The following OR7E24 variants were observed in gnomAD, a reference collection of about 807,000 sequenced individuals.
OR7E24 encodes olfactory receptor 7E24.
For synonymous variants in OR7E24, 130 were observed against 157.5 expected (o/e 0.83, Z 1.31); for missense variants, 385 against 410.3 (o/e 0.94, Z 0.53).
At chr19:9,250,645 C>T (rs1348049658), upstream of OR7E24, among the ~76,000 whole-genome samples, 3 of 152,102 alleles carry the variant, frequency 2.0e-5, no homozygotes, top group East Asian at 5.8e-4. Flanking sequence ...GATAAATATC[C>T]TCAATCAATG....
chr19:9,228,279 TTCTTTG>T, the OR7E24 span, among the ~76,000 whole-genome samples: 1 of 152,234 alleles, frequency 6.6e-6, no homozygotes, highest in Non-Finnish European at 1.5e-5. Flanking sequence ...ATTATGATTT[TTCTTTG>T]TCTTATGGTG....
chr19:9,221,712 G>A, the OR7E24 span, among the ~76,000 whole-genome samples: 2 of 151,980 alleles, frequency 1.3e-5, no homozygotes, highest in African/African-American at 2.4e-5. Flanking sequence ...AGCTTCTTAC[G>A]TATTTTGGAT....
chr19:9,222,861 C>T, the OR7E24 span, among the ~76,000 whole-genome samples: 1 of 152,148 alleles, frequency 6.6e-6, no homozygotes, highest in South Asian at 2.1e-4. Context: ...TGAGAACAGG[C>T]ATTCCTTTCT....
chr19:9,246,932 A>T (rs139161631), upstream of OR7E24, among the ~76,000 whole-genome samples: 21 of 152,294 alleles, frequency 1.4e-4, no homozygotes, highest in East Asian at 3.9e-3. Context: ...GATGGTGAGG[A>T]TGGTTGTACA....
At chr19:9,215,425 T>G in the OR7E24 span, among the ~76,000 whole-genome samples, 1 of 151,672 alleles carries the variant, frequency 6.6e-6, no homozygotes, top group African/African-American at 2.4e-5. Context: ...TGAACTTAAA[T>G]CAATTTCTTC....
the OR7E24 span, among the ~76,000 whole-genome samples, chr19:9,216,608 T>C: frequency 1.7e-4 from 26 of 152,334 alleles, no homozygotes; most frequent in African/African-American, 6.0e-4. Flanking sequence ...GCTTTTTTTT[T>C]TGAGACAGAG....
At chr19:9,219,951 G>T in the OR7E24 span, among the ~76,000 whole-genome samples, 2 of 152,126 alleles carry the variant, frequency 1.3e-5, no homozygotes, top group African/African-American at 2.4e-5. Flanking sequence ...CAAGCGATGT[G>T]ACTCCCTTGA....
chr19:9,229,546 G>GA, the OR7E24 span, among the ~76,000 whole-genome samples: 7 of 96,028 alleles, frequency 7.3e-5, no homozygotes, highest in Admixed American at 3.0e-4. Flanking sequence ...AAAAAAAAAA[G>GA]AAAGAAAGAA....
chr19:9,238,084 C>T, the OR7E24 span, among the ~76,000 whole-genome samples: 1 of 152,144 alleles, frequency 6.6e-6, no homozygotes, highest in South Asian at 2.1e-4. Context: ...TGAAACCAGC[C>T]TGGCCAACAT....
upstream of OR7E24, chr19:9,247,246 G>T (rs2066133000): frequency 5.3e-6 from 2 of 379,282 alleles, no homozygotes; most frequent in Non-Finnish European, 9.3e-6. Flanking sequence ...AGAGACTGGG[G>T]AACATGGACC....
At position 9,250,952 on chromosome 19, in the gene OR7E24, T is replaced by C; in HGVS notation, c.-92T>C. 1.1e-6 allele frequency: 1 copy of C among 939,864 alleles called. No individual in the cohort carries two copies. Among genetic ancestry groups the C allele is most frequent in the Non-Finnish European group, 1.6e-6 (1 of 633,384 alleles). The allele number at this position is 939,864 out of a possible 1,614,324, so 58.2% of individuals were successfully genotyped here. A position where few individuals can be genotyped will look rare whatever the true frequency, so the allele number is the denominator to read the frequency against. On this transcript the variant is annotated 5_prime_UTR_variant, in exon 1 of 1. Transcript: ENST00000456448. ...AATTGGGTTTGTCACAACTGAGAAC[T>C]ATTGCTGAGGGTGTATAATCCTATG...
At chr19:9,230,745 A>G in the OR7E24 span, among the ~76,000 whole-genome samples, 1 of 152,190 alleles carries the variant, frequency 6.6e-6, no homozygotes, top group Non-Finnish European at 1.5e-5. Flanking sequence ...CAGTGTCCAC[A>G]GTGCCATGTA....
chr19:9,239,707 C>CT, the OR7E24 span, among the ~76,000 whole-genome samples: 4,462 of 122,998 alleles, frequency 0.036, 215 homozygotes, highest in African/African-American at 0.091. Context: ...TTTTCTTTTT[C>CT]TTTTTTTTTT....
the OR7E24 span, chr19:9,209,686 G>A: frequency 2.1e-5 from 3 of 144,766 alleles, no homozygotes; most frequent in South Asian, 2.2e-4. Flanking sequence ...ACAGAGTCTC[G>A]CTCTGTTGCC....
At chr19:9,216,202 C>T in the OR7E24 span, among the ~76,000 whole-genome samples, 146 of 152,302 alleles carry the variant, frequency 9.6e-4, no homozygotes, top group African/African-American at 3.2e-3. Flanking sequence ...CCCCTGCACC[C>T]CACAGTCATC....
At chr19:9,223,458 C>T in the OR7E24 span, among the ~76,000 whole-genome samples, 2 of 152,150 alleles carry the variant, frequency 1.3e-5, no homozygotes, top group African/African-American at 4.8e-5. Flanking sequence ...ATATCCAGTC[C>T]TCTATGTCCA....
chr19:9,244,224 G>C (rs1170658015), upstream of OR7E24, among the ~76,000 whole-genome samples: 1 of 152,092 alleles, frequency 6.6e-6, no homozygotes, highest in Non-Finnish European at 1.5e-5. Flanking sequence ...ACAATTCTAA[G>C]GTAAATTGAA....
chr19:9,215,440 G>T, the OR7E24 span, among the ~76,000 whole-genome samples: 2 of 151,014 alleles, frequency 1.3e-5, no homozygotes, highest in Non-Finnish European at 2.9e-5. Context: ...TTCTTCTTTG[G>T]TGTGAATCTT....
At position 9,251,869 on chromosome 19, in the gene OR7E24, G is replaced by T. The variant is rs184473277; in HGVS notation, c.826G>T (p.Gly276Trp). ...VCLFYGTGLVGYLSSAVLPSP... is the reference protein window; with the variant it reads ...VCLFYGTGLVWYLSSAVLPSP... ...CTTATTTTATGGAACAGGGCTTGTA[G>T]GGTACCTCAGTTCAGCTGTGTTACC... The change falls in exon 1 of 1, where the codon GGG (glycine) becomes TGG (tryptophan). Residue 276 changes from glycine to tryptophan, a missense_variant. Physicochemically the swap from Gly to Trp is radical, Grantham distance 184. Coordinates refer to ENST00000456448, the MANE Select transcript of OR7E24 (RefSeq NM_001079935.2). 182 of 1,614,070 alleles carry T rather than the reference G, an allele frequency of 1.1e-4. No individual in the cohort carries two copies. The East Asian group carries it at 2.5e-3, about 22-fold the overall frequency.
Sources: allele counts gnomAD v4.1 joint callset (sites outside exome capture counted in the v4.1 genomes callset), GRCh38; gene constraint gnomAD v4.1.1; transcripts MANE v1.5; gene names NCBI Gene and HGNC (gene_info 2026-07-23, HGNC 2026-07-21).